The following GPR176 variants were observed in gnomAD, a reference collection of about 807,000 sequenced individuals.
The protein encoded by GPR176 is G-protein coupled receptor 176.
A neutral mutation model predicts 35.4 loss-of-function variants in GPR176; 26 were observed. The observed-to-expected ratio is 0.74, with a 90% CI of 0.54 to 1.02. The LOEUF (loss-of-function observed/expected upper bound fraction) is 1.02, where lower values mean the gene tolerates loss of function less well. GPR176 is among the 50% of genes least tolerant of loss of function. The pLI, the probability that GPR176 is intolerant of heterozygous loss-of-function variation, is 0.00. For missense variants in GPR176, 597 were observed against 665.3 expected, an observed-to-expected ratio of 0.90 and a Z score of 1.13; for synonymous variants, 278 against 271.3, an observed-to-expected ratio of 1.02 and a Z score of -0.24.
intron 1 of GPR176, among the ~76,000 whole-genome samples, chr15:39,912,388 G>A (rs1380550535): frequency 6.6e-6 from 1 of 151,964 alleles, no homozygotes; most frequent in African/African-American, 2.4e-5. Context: ...AGGCTGAGGT[G>A]GGTGGATCAC....
chr15:39,877,874 T>A (rs1055890560), intron 1 of GPR176, among the ~76,000 whole-genome samples: 1 of 152,090 alleles, frequency 6.6e-6, no homozygotes, highest in African/African-American at 2.4e-5. Flanking sequence ...AACTCCATGC[T>A]CTTTCCATTA....
At position 39,802,163 on chromosome 15, in the gene GPR176, C is replaced by T; in HGVS notation, c.517G>A (p.Ala173Thr). The T allele has an allele frequency of 6.2e-7, 1 of 1,614,130 alleles. No homozygotes were observed. Among genetic ancestry groups the T allele is most frequent in the Non-Finnish European group, 8.5e-7 (1 of 1,179,966 alleles). Residue 173 changes from alanine (A) to threonine (T), a missense_variant, in exon 3 of 3, where the codon GCC becomes ACC. Ala to Thr is a moderately conservative substitution (Grantham distance 58, BLOSUM62 0). Around this residue, in one of 3 missense-constraint regions of GPR176, gnomAD observed 220 missense variants for 297.6 expected, o/e 0.74. Transcript: ENST00000561100. ...VMYIWAHAVV[A>T]SVPVFAVTNV... The stretch of plus-strand genomic sequence containing the variant: ...GTTACTGCAAACACAGGGACACTGG[C>T]CACCACTGCATGGGCCCAGATGTAC...
At chr15:39,852,513 T>C (rs1329093877) in intron 1 of GPR176, among the ~76,000 whole-genome samples, 1 of 152,192 alleles carries the variant, frequency 6.6e-6, no homozygotes, top group Admixed American at 6.6e-5. Context: ...ACTTGCAAAG[T>C]GAACTAGTCC....
At chr15:39,884,322 G>A (rs2140852025) in intron 1 of GPR176, among the ~76,000 whole-genome samples, 1 of 152,306 alleles carries the variant, frequency 6.6e-6, no homozygotes, top group Non-Finnish European at 1.5e-5. Flanking sequence ...TAGCAGACAT[G>A]GGAATCTCTC....
intron 1 of GPR176, 42 bp from the exon 2 acceptor site, chr15:39,807,300 T>C: frequency 7.7e-7 from 1 of 1,296,884 alleles, no homozygotes; most frequent in Non-Finnish European, 1.0e-6. Context: ...TAAATAAAAA[T>C]TTAAGAACTA....
chr15:39,804,894 T>C (rs999953734), intron 2 of GPR176, among the ~76,000 whole-genome samples: 3 of 152,014 alleles, frequency 2.0e-5, no homozygotes, highest in Non-Finnish European at 4.4e-5. Flanking sequence ...AGCAAACATA[T>C]AGAAAAAGAG....
At chr15:39,887,128 G>A (rs2032702213) in intron 1 of GPR176, among the ~76,000 whole-genome samples, 2 of 152,064 alleles carry the variant, frequency 1.3e-5, no homozygotes, top group South Asian at 4.1e-4. Context: ...CAGTAGATTG[G>A]GAGTGCATCC....
chr15:39,895,588 G>C (rs1009253573), intron 1 of GPR176, among the ~76,000 whole-genome samples: 5 of 151,970 alleles, frequency 3.3e-5, no homozygotes, highest in Non-Finnish European at 5.9e-5. Flanking sequence ...TTTTCAAAAA[G>C]AGAACATTAG....
chr15:39,916,352 G>A (rs2033726198), intron 1 of GPR176, among the ~76,000 whole-genome samples: 1 of 152,166 alleles, frequency 6.6e-6, no homozygotes, highest in Admixed American at 6.5e-5. Context: ...GTTGTATAAA[G>A]AAGGCTGAGA....
rs372377000 is a variant in GPR176, at chr15:39,827,399, G to A, written c.173-20141C>T. 1.6e-4 allele frequency among the ~76,000 whole-genome samples: 25 copies of A among 152,286 alleles called. No individual in the cohort carries two copies. The East Asian group carries it at 1.7e-3, about 11-fold the overall frequency. Reference sequence around the variant, plus strand: ...GTCTCTTATCAGGCAAAAAAGGAGGGGCGGCATGAGGTTGTTAGTTGATAT... The same window carrying A: ...GTCTCTTATCAGGCAAAAAAGGAGGAGCGGCATGAGGTTGTTAGTTGATAT... On this transcript the variant is annotated intron_variant, in intron 1 of 2. Transcript: ENST00000561100.
chr15:39,843,450 C>G (rs2030177320), intron 1 of GPR176, among the ~76,000 whole-genome samples: 1 of 152,142 alleles, frequency 6.6e-6, no homozygotes, highest in Non-Finnish European at 1.5e-5. Context: ...CTGCAGCATA[C>G]CCTTCAAAAG....
At chr15:39,881,416 G>C (rs2032470169) in intron 1 of GPR176, among the ~76,000 whole-genome samples, 1 of 152,198 alleles carries the variant, frequency 6.6e-6, no homozygotes, top group Admixed American at 6.5e-5. Flanking sequence ...GGACCTAACA[G>C]TATAGCGTTC....
At chr15:39,914,438 T>C (rs377423335) in intron 1 of GPR176, among the ~76,000 whole-genome samples, 86 of 151,392 alleles carry the variant, frequency 5.7e-4, no homozygotes, top group African/African-American at 1.8e-3. Context: ...TTCAGCCTCC[T>C]GAATAGCTGA....
chr15:39,887,568 T>C (rs530001853), intron 1 of GPR176, among the ~76,000 whole-genome samples: 2 of 149,146 alleles, frequency 1.3e-5, no homozygotes, highest in African/African-American at 5.0e-5. Context: ...CTGACCAGGA[T>C]TTATGCAGCA....
Position 39,872,858 on chromosome 15 carries a change from T to C in GPR176, c.172+46997A>G, listed in dbSNP as rs139934647. The stretch of plus-strand genomic sequence containing the variant: ...CTCCCACCAAGCCTCACCTCCAGCA[T>C]TGAGGATTACAATTCAACATGAGAT... On this transcript the variant is annotated intron_variant, in intron 1 of 2. Transcript: ENST00000561100. Among the ~76,000 whole-genome samples the C allele has an allele frequency of 4.0e-3, 606 of 151,800 alleles. 4 individuals carry two copies. The highest frequency in any genetic ancestry group is 0.017 in the Middle Eastern group (5 of 294).
At chr15:39,843,931 G>A (rs1317872953) in intron 1 of GPR176, among the ~76,000 whole-genome samples, 3 of 151,982 alleles carry the variant, frequency 2.0e-5, no homozygotes, top group East Asian at 3.9e-4. Flanking sequence ...AAACTGCTAC[G>A]ACAATATTAT....
At chr15:39,905,245 G>A (rs749742101) in intron 1 of GPR176, among the ~76,000 whole-genome samples, 3 of 152,292 alleles carry the variant, frequency 2.0e-5, no homozygotes, top group Admixed American at 6.5e-5. Context: ...CAAATATTAT[G>A]TACTAAATTG....
chr15:39,829,959 T>C (rs1378883804), intron 1 of GPR176, among the ~76,000 whole-genome samples: 3 of 151,806 alleles, frequency 2.0e-5, no homozygotes, highest in Non-Finnish European at 4.4e-5. Flanking sequence ...ATACCAGTAC[T>C]GTTATAATTA....
intron 1 of GPR176, among the ~76,000 whole-genome samples, chr15:39,889,856 G>A (rs1182274749): frequency 1.3e-5 from 2 of 152,126 alleles, no homozygotes; most frequent in Non-Finnish European, 1.5e-5. Flanking sequence ...AAAACACAGA[G>A]AAAAGCTAGT....
Sources: allele counts gnomAD v4.1 joint callset (sites outside exome capture counted in the v4.1 genomes callset), GRCh38; gene constraint gnomAD v4.1.1; regional missense constraint gnomAD v4.1.1; transcripts MANE v1.5; gene names NCBI Gene and HGNC (gene_info 2026-07-23, HGNC 2026-07-21).